CHN2: variants seen among roughly 807,000 people sequenced by gnomAD.
CHN2 encodes the protein beta-chimaerin.
In CHN2, 35 loss-of-function variants were observed where a neutral mutation model predicts 56.3. That is an observed-to-expected ratio of 0.62 (90% CI 0.47 to 0.82). The LOEUF is 0.82. CHN2 is among the 40% of genes least tolerant of loss of function. CHN2 has a pLI of 0.00. For missense variants in CHN2, 491 were observed against 580.5 expected (o/e 0.85, Z 1.58); for synonymous variants, 210 against 212.8 (o/e 0.99, Z 0.12).
At chr7:29,470,723 G>T (rs1785953883) in intron 6 of CHN2, among the ~76,000 whole-genome samples, 1 of 152,228 alleles carries the variant, frequency 6.6e-6, no homozygotes, top group South Asian at 2.1e-4. Context: ...TTTGACAAAT[G>T]TCTGGCCTTT....
chr7:29,212,775 C>T (rs929303609), intron 1 of CHN2: 100 of 1,609,848 alleles, frequency 6.2e-5, no homozygotes, highest in East Asian at 1.1e-4. Flanking sequence ...AACAACTGGC[C>T]GAAGAATAGC....
chr7:29,424,134 G>T (rs1475635980), intron 6 of CHN2, among the ~76,000 whole-genome samples: 4 of 152,246 alleles, frequency 2.6e-5, no homozygotes, highest in Non-Finnish European at 5.9e-5. Context: ...GAGTTGTCCA[G>T]AAAGTCCTAA....
chr7:29,326,096 C>T (rs1400672402), intron 1 of CHN2, among the ~76,000 whole-genome samples: 2 of 152,054 alleles, frequency 1.3e-5, no homozygotes, highest in Non-Finnish European at 2.9e-5. Flanking sequence ...AGTCACGTCA[C>T]CTCTTTGGGT....
chr7:29,202,477 G>A (rs769431007), intron 1 of CHN2, among the ~76,000 whole-genome samples: 11 of 152,202 alleles, frequency 7.2e-5, no homozygotes, highest in Non-Finnish European at 1.5e-4. Flanking sequence ...CAACAAAATG[G>A]GAAGGTGGAA....
At chr7:29,302,090 A>G (rs574974457) in intron 1 of CHN2, among the ~76,000 whole-genome samples, 1 of 152,230 alleles carries the variant, frequency 6.6e-6, no homozygotes, top group Non-Finnish European at 1.5e-5. Flanking sequence ...AAGGACCCTC[A>G]GCCTTTTGCA....
At chr7:29,186,004 G>T (rs1389697466) in intron 2 of CHN2, among the ~76,000 whole-genome samples, 1 of 152,166 alleles carries the variant, frequency 6.6e-6, no homozygotes, top group Non-Finnish European at 1.5e-5. Flanking sequence ...TATGGCAGAT[G>T]CTCACTGTAT....
intron 1 of CHN2, among the ~76,000 whole-genome samples, chr7:29,215,229 G>A (rs34382510): frequency 1.3e-5 from 2 of 152,034 alleles, no homozygotes; most frequent in African/African-American, 2.4e-5. Flanking sequence ...TTTTTGTGCC[G>A]TTTCATAGAT....
intron 6 of CHN2, among the ~76,000 whole-genome samples, chr7:29,460,136 G>C (rs1053086810): frequency 6.6e-6 from 1 of 152,110 alleles, no homozygotes; most frequent in African/African-American, 2.4e-5. Flanking sequence ...ATTGATCTGG[G>C]GTACCAAGTA....
chr7:29,227,765 C>G (rs117952997), intron 1 of CHN2, among the ~76,000 whole-genome samples: 1 of 152,290 alleles, frequency 6.6e-6, no homozygotes, highest in Non-Finnish European at 1.5e-5. Flanking sequence ...TTGACTTCCT[C>G]AGCACTTTTC....
intron 6 of CHN2, among the ~76,000 whole-genome samples, chr7:29,413,083 A>T (rs1420306278): frequency 1.3e-5 from 2 of 152,178 alleles, no homozygotes; most frequent in African/African-American, 4.8e-5. Flanking sequence ...GGGTCTTATG[A>T]TGATAGTTTA....
rs573526630 is a variant in CHN2 at position 29,274,485 on chromosome 7, G to T, written c.49+79495G>T. Among the ~76,000 whole-genome samples, 9 of 152,254 alleles carry T rather than the reference G, an allele frequency of 5.9e-5. No homozygotes were observed. The South Asian group carries it at 6.2e-4, about 11-fold the overall frequency. On this transcript the variant is annotated intron_variant, in intron 1 of 12. Transcript: ENST00000222792. ...TATCCAACTCATCTGCTATTTCCTG[G>T]GTGCAAAATCATCTCACTTAATTGT... is the stretch of plus-strand genomic sequence containing the variant.
intron 1 of CHN2, among the ~76,000 whole-genome samples, chr7:29,280,801 A>G (rs1362427159): frequency 6.6e-6 from 1 of 152,192 alleles, no homozygotes; most frequent in Non-Finnish European, 1.5e-5. Flanking sequence ...ACACATAACT[A>G]AAGTATCTGT....
intron 1 of CHN2, among the ~76,000 whole-genome samples, chr7:29,333,266 C>T (rs1220972052): frequency 1.3e-5 from 2 of 152,258 alleles, no homozygotes; most frequent in East Asian, 1.9e-4. Flanking sequence ...CCACACCAGG[C>T]GTCAGTGGAG....
chr7:29,337,606 A>G (rs1585095599), intron 1 of CHN2, among the ~76,000 whole-genome samples: 1 of 152,190 alleles, frequency 6.6e-6, no homozygotes, highest in African/African-American at 2.4e-5. Context: ...TGATGCTGTC[A>G]CCCAGGCTGC....
chr7:29,411,911 T>C (rs1803252759), intron 6 of CHN2, among the ~76,000 whole-genome samples: 1 of 152,154 alleles, frequency 6.6e-6, no homozygotes, highest in African/African-American at 2.4e-5. Context: ...GGTAAGCAGA[T>C]GTTGGTGCTG....
intron 1 of CHN2, among the ~76,000 whole-genome samples, chr7:29,303,753 C>T (rs979402073): frequency 6.6e-6 from 1 of 152,194 alleles, no homozygotes; most frequent in Non-Finnish European, 1.5e-5. Flanking sequence ...GTGTTTCTTT[C>T]CTTCTTTCTG....
Position 29,283,108 on chromosome 7 carries a change from G to A in CHN2, c.50-71517G>A, listed in dbSNP as rs1401667886. ...TGCTGCTTCTGCCTGAGAGTGCGTC[G>A]ATGTCTGACCTCCACTGGAGTCAGT... On this transcript the variant is annotated intron_variant, in intron 1 of 12. Transcript: ENST00000222792. Among the ~76,000 whole-genome samples the A allele has an allele frequency of 2.6e-5, 4 of 152,116 alleles. No individual in the cohort carries two copies. The South Asian group carries it at 6.2e-4, about 24-fold the overall frequency.
At chr7:29,287,536 G>A (rs1192922059) in intron 1 of CHN2, among the ~76,000 whole-genome samples, 1 of 152,190 alleles carries the variant, frequency 6.6e-6, no homozygotes, top group African/African-American at 2.4e-5. Context: ...GGTGAGTCAT[G>A]TGAAATGCTG....
intron 2 of CHN2, 128 bp from the exon 3 acceptor site, chr7:29,367,804 T>C: frequency 1.5e-6 from 1 of 655,680 alleles, no homozygotes. Context: ...TGTGCCTGTA[T>C]TCTCTTGTTT....
Sources: gnomAD v4.1 joint callset for allele counts (sites outside exome capture counted in the v4.1 genomes callset) on GRCh38, gnomAD v4.1.1 for gene constraint, MANE v1.5 for transcripts, NCBI Gene and HGNC (gene_info 2026-07-23, HGNC 2026-07-21) for gene names.